The following RANBP2 variants were observed in gnomAD, a reference collection of about 807,000 sequenced individuals.
RANBP2 encodes the protein RAN binding protein 2.
In RANBP2, 57 loss-of-function variants were observed where a neutral mutation model predicts 303.6. That is an observed-to-expected ratio of 0.19 (90% CI 0.15 to 0.23). The LOEUF (loss-of-function observed/expected upper bound fraction) is 0.23, where lower values mean the gene tolerates loss of function less well. RANBP2 is among the 10% of genes least tolerant of loss of function. The pLI, the probability that RANBP2 is intolerant of heterozygous loss-of-function variation, is 1.00. For synonymous variants in RANBP2, 1,167 were observed against 1,301.5 expected (o/e 0.90, Z 2.23); for missense variants, 3,138 against 3,780.8 (o/e 0.83, Z 4.46).
chr2:108,874,555 C>T, the RANBP2 span, among the ~76,000 whole-genome samples: 3 of 152,108 alleles, frequency 2.0e-5, no homozygotes, highest in African/African-American at 7.2e-5. Context: ...TGGCCTCATC[C>T]CCTCATCCAT....
chr2:109,466,395 A>G, the RANBP2 span, among the ~76,000 whole-genome samples: 1 of 152,096 alleles, frequency 6.6e-6, no homozygotes, highest in African/African-American at 2.4e-5. Flanking sequence ...ATCTTTTTTA[A>G]TGAGATGTCT....
At chr2:109,431,097 G>A in the RANBP2 span, among the ~76,000 whole-genome samples, 1 of 152,162 alleles carries the variant, frequency 6.6e-6, no homozygotes, top group Non-Finnish European at 1.5e-5. Flanking sequence ...TCCTGCTTGA[G>A]CCCTCGTGAG....
chr2:109,685,239 C>G, the RANBP2 span, among the ~76,000 whole-genome samples: 1 of 152,166 alleles, frequency 6.6e-6, no homozygotes, highest in South Asian at 2.1e-4. Flanking sequence ...TTTAGCCAGG[C>G]CACCATTGAT....
At chr2:109,205,299 C>T in the RANBP2 span, among the ~76,000 whole-genome samples, 7 of 147,610 alleles carry the variant, frequency 4.7e-5, no homozygotes, top group East Asian at 1.4e-3. Flanking sequence ...CTTGCCATGT[C>T]GTCCAGGCTG....
chr2:109,568,806 T>C, the RANBP2 span, among the ~76,000 whole-genome samples: 4 of 152,162 alleles, frequency 2.6e-5, no homozygotes, highest in Admixed American at 2.6e-4. Context: ...CATGCCTACC[T>C]GTGCCCCACT....
At chr2:109,148,549 C>T in the RANBP2 span, among the ~76,000 whole-genome samples, 1 of 152,168 alleles carries the variant, frequency 6.6e-6, no homozygotes, top group Non-Finnish European at 1.5e-5. Flanking sequence ...TTACTGCTGA[C>T]TGGTGCCATT....
At chr2:108,850,517 T>C in the RANBP2 span, among the ~76,000 whole-genome samples, 1 of 152,122 alleles carries the variant, frequency 6.6e-6, no homozygotes, top group Non-Finnish European at 1.5e-5. Flanking sequence ...AGTGGCACGA[T>C]CTTGGCTCAC....
At chr2:109,396,827 C>T in the RANBP2 span, among the ~76,000 whole-genome samples, 1 of 152,230 alleles carries the variant, frequency 6.6e-6, no homozygotes. Context: ...CGTGACTCTG[C>T]CCCAGGTAGC....
chr2:108,791,293 G>T, the RANBP2 span, among the ~76,000 whole-genome samples: 1 of 151,880 alleles, frequency 6.6e-6, no homozygotes, highest in Non-Finnish European at 1.5e-5. Flanking sequence ...CTTTCTACTC[G>T]TTATGTCACC....
At chr2:109,567,202 T>G in the RANBP2 span, among the ~76,000 whole-genome samples, 1 of 152,176 alleles carries the variant, frequency 6.6e-6, no homozygotes, top group Admixed American at 6.6e-5. Context: ...TTTGTAGATA[T>G]GTTAAGTCTC....
the RANBP2 span, among the ~76,000 whole-genome samples, chr2:109,480,120 A>C: frequency 6.6e-6 from 1 of 152,234 alleles, no homozygotes; most frequent in Non-Finnish European, 1.5e-5. Flanking sequence ...CTTTTCCAAC[A>C]TAGTGAGAAA....
the RANBP2 span, among the ~76,000 whole-genome samples, chr2:109,224,544 T>G: frequency 6.6e-6 from 1 of 152,182 alleles, no homozygotes; most frequent in East Asian, 1.9e-4. Context: ...GTGGCCGGCG[T>G]GGCTCAGGAA....
chr2:109,043,003 A>G, the RANBP2 span, among the ~76,000 whole-genome samples: 1 of 152,224 alleles, frequency 6.6e-6, no homozygotes, highest in Non-Finnish European at 1.5e-5. Context: ...TGGTCCACAT[A>G]GTAAGTAAAT....
At chr2:109,347,639 A>C in the RANBP2 span, 1 of 1,603,106 alleles carries the variant, frequency 6.2e-7, no homozygotes, top group Non-Finnish European at 8.5e-7. Flanking sequence ...GGGAAGGGGC[A>C]TGCCCGGTGA....
At chr2:109,607,961 G>C in the RANBP2 span, among the ~76,000 whole-genome samples, 21 of 152,180 alleles carry the variant, frequency 1.4e-4, no homozygotes, top group African/African-American at 5.1e-4. Flanking sequence ...TGAAGATTAT[G>C]CTGGAGATGG....
At chr2:109,555,172 C>T in the RANBP2 span, among the ~76,000 whole-genome samples, 2 of 152,198 alleles carry the variant, frequency 1.3e-5, no homozygotes, top group Non-Finnish European at 2.9e-5. Flanking sequence ...TTTCTCACCA[C>T]ATTAAAGTTA....
At chr2:109,667,086 G>C in the RANBP2 span, 1 of 822,000 alleles carries the variant, frequency 1.2e-6, no homozygotes, top group Non-Finnish European at 2.0e-6. Context: ...AATACACATA[G>C]ATCATAATCT....
chr2:109,261,322 A>G, the RANBP2 span, among the ~76,000 whole-genome samples: 2 of 152,148 alleles, frequency 1.3e-5, no homozygotes, highest in Non-Finnish European at 2.9e-5. Flanking sequence ...TGATCCGCAC[A>G]CTGTGCTGAA....
chr2:109,696,628 G>A, the RANBP2 span, among the ~76,000 whole-genome samples: 2 of 151,968 alleles, frequency 1.3e-5, no homozygotes, highest in Non-Finnish European at 2.9e-5. Flanking sequence ...GGCTATTTTA[G>A]GTATTTTACA....
Sources: allele counts gnomAD v4.1 joint callset (sites outside exome capture counted in the v4.1 genomes callset), GRCh38; gene constraint gnomAD v4.1.1; transcripts MANE v1.5; gene names NCBI Gene and HGNC (gene_info 2026-07-23, HGNC 2026-07-21).